Variants in ELAVL1 observed in about 807,000 individuals in gnomAD.
ELAVL1 encodes the protein ELAV-like protein 1.
Under a neutral mutation model 28.4 loss-of-function variants are expected in ELAVL1, and 1 was observed. The ratio of observed to expected loss-of-function variants is 0.04; its 90% CI spans 0.01 to 0.17. The LOEUF (loss-of-function observed/expected upper bound fraction) is 0.17. Ranked by LOEUF, ELAVL1 falls within the 10% of genes least tolerant of loss-of-function variation. The pLI, the probability that ELAVL1 is intolerant of heterozygous loss-of-function variation, is 1.00. For synonymous variants in ELAVL1, 174 were observed against 183.5 expected (o/e 0.95, Z 0.42); for missense variants, 157 against 447.2 (o/e 0.35, Z 5.85).
Position 7,968,565 on chromosome 19 carries a change from G to GC in ELAVL1, c.431-776dup, listed in dbSNP as rs1202407500. Among the ~76,000 whole-genome samples, 5 of 152,338 alleles carry GC rather than the reference G, an allele frequency of 3.3e-5. No homozygotes were observed. In the East Asian group the frequency reaches 9.6e-4, roughly 29 times the overall value. The stretch of plus-strand genomic sequence containing the variant: ...GGCCTGGGGTCCCTGTATGGGAAGG[G>GC]CCAGGGCCCCAGCAGCCAAGCCCAG... On this transcript the variant is annotated intron_variant, in intron 4 of 5. Coordinates refer to ENST00000407627, the MANE Select transcript of ELAVL1 (RefSeq NM_001419.3).
At chr19:7,984,268 A>G (rs35857402) in intron 2 of ELAVL1, among the ~76,000 whole-genome samples, 9,167 of 152,224 alleles carry the variant, frequency 0.06, 284 homozygotes, top group Non-Finnish European at 0.07. Flanking sequence ...CGCTGCCATC[A>G]TGAAAGCCAT....
chr19:7,992,109 T>G (rs1985768856), intron 1 of ELAVL1, among the ~76,000 whole-genome samples: 2 of 152,004 alleles, frequency 1.3e-5, no homozygotes, highest in Non-Finnish European at 2.9e-5. Flanking sequence ...CCCAGCTAAT[T>G]TTTGTATTTT....
chr19:7,992,764 C>T (rs1985786523), intron 1 of ELAVL1, among the ~76,000 whole-genome samples: 1 of 152,244 alleles, frequency 6.6e-6, no homozygotes, highest in Non-Finnish European at 1.5e-5. Context: ...AATAATGTGT[C>T]AATATTGATT....
chr19:7,980,992 C>G (rs1389800598), intron 3 of ELAVL1, 91 bp downstream of exon 3: 1 of 1,320,086 alleles, frequency 7.6e-7, no homozygotes, highest in Non-Finnish European at 1.1e-6. Flanking sequence ...TGCTCATAGT[C>G]CCTTGGAGAG....
Position 7,989,056 on chromosome 19 carries a change from C to A in ELAVL1, c.172+2588G>T, listed in dbSNP as rs62123127. On this transcript the variant is annotated intron_variant, in intron 2 of 5. Coordinates refer to ENST00000407627, the MANE Select transcript of ELAVL1 (RefSeq NM_001419.3). ...TGGCTGCTGTGGGGCTCGGAGACAC[C>A]CGTGTTGTGAGCTGAGCTAGGCCAG... is the stretch of plus-strand genomic sequence containing the variant. Among the ~76,000 whole-genome samples the A allele has an allele frequency of 7.5e-3, 1,141 of 152,196 alleles. 4 individuals carry two copies. Among genetic ancestry groups the A allele is most frequent in the Non-Finnish European group, 0.013 (908 of 68,006 alleles).
At chr19:8,003,739 C>G (rs1226607103) in intron 1 of ELAVL1, among the ~76,000 whole-genome samples, 1 of 151,460 alleles carries the variant, frequency 6.6e-6, no homozygotes, top group South Asian at 2.1e-4. Flanking sequence ...AGACTCAACA[C>G]ATCCAGACTG....
At chr19:7,977,089 G>A (rs1985318362) in intron 3 of ELAVL1, among the ~76,000 whole-genome samples, 1 of 152,212 alleles carries the variant, frequency 6.6e-6, no homozygotes, top group East Asian at 1.9e-4. Flanking sequence ...AGCCTCAGGT[G>A]AACGGCAGGC....
At chr19:7,973,918 G>A (rs975467316) in intron 3 of ELAVL1, 40 bp from the exon 4 acceptor site, 13 of 1,607,932 alleles carry the variant, frequency 8.1e-6, no homozygotes, top group African/African-American at 5.3e-5. Flanking sequence ...GTACAGGCAC[G>A]TGGCCAAAGC....
At chr19:8,003,866 T>C (rs537504324) in intron 1 of ELAVL1, among the ~76,000 whole-genome samples, 2 of 152,170 alleles carry the variant, frequency 1.3e-5, no homozygotes, top group Non-Finnish European at 2.9e-5. Context: ...AATTTGATAA[T>C]AGATCCCAGC....
intron 5 of ELAVL1, among the ~76,000 whole-genome samples, chr19:7,965,407 C>G (rs996509292): frequency 6.6e-6 from 1 of 152,142 alleles, no homozygotes; most frequent in Non-Finnish European, 1.5e-5. Context: ...GGTAGTTTTT[C>G]TCCTGCTGAT....
rs1202656608 is a variant in ELAVL1 at position 7,960,445 on chromosome 19, C to CCCGGGAGGGAATCAG, written c.*3023_*3037dup. 1 of 152,212 alleles carries CCCGGGAGGGAATCAG rather than the reference C, an allele frequency of 6.6e-6. No homozygotes were observed. The highest frequency in any genetic ancestry group is 2.4e-5 in the African/African-American group (1 of 41,446). The allele number at this position is 152,212 out of a possible 1,614,324, so 9.4% of individuals were successfully genotyped here. A position where few individuals can be genotyped will look rare whatever the true frequency, so the allele number is the denominator to read the frequency against. ...TGGTGGCCGGGGAGGGGACTCAGCA[C>CCCGGGAGGGAATCAG]CCGGGAGGGAATCAGTCACAGAGCT... On this transcript the variant is annotated 3_prime_UTR_variant, in exon 6 of 6. Coordinates refer to ENST00000407627, the MANE Select transcript of ELAVL1 (RefSeq NM_001419.3).
At chr19:7,983,887 C>T (rs1266519452) in intron 2 of ELAVL1, among the ~76,000 whole-genome samples, 1 of 152,022 alleles carries the variant, frequency 6.6e-6, no homozygotes, top group Admixed American at 6.6e-5. Context: ...AGGATGTGTC[C>T]CCTGAGCTTT....
chr19:7,983,058 G>A (rs899372199), intron 2 of ELAVL1, among the ~76,000 whole-genome samples: 1 of 152,164 alleles, frequency 6.6e-6, no homozygotes, highest in African/African-American at 2.4e-5. Context: ...AAGTCAGGAC[G>A]CCCAGCCCAC....
chr19:7,991,895 T>A, intron 1 of ELAVL1, 64 bp from the exon 2 acceptor site: 1 of 1,274,490 alleles, frequency 7.8e-7, no homozygotes, highest in Non-Finnish European at 1.1e-6. Context: ...AAGGCAAAAC[T>A]AGTAACTGCA....
intron 2 of ELAVL1, among the ~76,000 whole-genome samples, chr19:7,985,092 T>A (rs1376020298): frequency 6.6e-6 from 1 of 152,176 alleles, no homozygotes; most frequent in Non-Finnish European, 1.5e-5. Flanking sequence ...GCTAATTTTT[T>A]AATTTTTTGT....
At chr19:7,978,966 A>C (rs975679281) in intron 3 of ELAVL1, among the ~76,000 whole-genome samples, 1 of 152,140 alleles carries the variant, frequency 6.6e-6, no homozygotes, top group Non-Finnish European at 1.5e-5. Flanking sequence ...TCACCTTTAA[A>C]CTGGGGATGG....
At chr19:7,969,499 G>A (rs1181311533) in intron 4 of ELAVL1, among the ~76,000 whole-genome samples, 4 of 152,146 alleles carry the variant, frequency 2.6e-5, no homozygotes, top group African/African-American at 4.8e-5. Context: ...CTACGCACAC[G>A]TGCCAGGAAT....
intron 4 of ELAVL1, among the ~76,000 whole-genome samples, chr19:7,972,313 G>A (rs1985137792): frequency 6.6e-6 from 1 of 152,254 alleles, no homozygotes; most frequent in Non-Finnish European, 1.5e-5. Flanking sequence ...TCCTAGCCTA[G>A]TGCGGCAGGC....
At chr19:7,990,548 C>T (rs889021443) in intron 2 of ELAVL1, among the ~76,000 whole-genome samples, 3 of 149,192 alleles carry the variant, frequency 2.0e-5, no homozygotes, top group Non-Finnish European at 4.5e-5. Flanking sequence ...TTGTATTTTT[C>T]GTAAAGATGG....
Sources: gnomAD v4.1 joint callset for allele counts (sites outside exome capture counted in the v4.1 genomes callset) on GRCh38, gnomAD v4.1.1 for gene constraint, MANE v1.5 for transcripts, NCBI Gene and HGNC (gene_info 2026-07-23, HGNC 2026-07-21) for gene names.